Variants in MAST2 observed in about 807,000 individuals in gnomAD.
MAST2 encodes microtubule associated serine/threonine kinase 2.
MAST2 carries 70 observed loss-of-function variants against 147.4 expected under a neutral mutation model. That is an observed-to-expected ratio of 0.47 (90% CI 0.39 to 0.58). The LOEUF is 0.58. Ranked by LOEUF, MAST2 falls within the 20% of genes least tolerant of loss-of-function variation. MAST2 has a pLI of 0.00. For synonymous variants in MAST2, 869 were observed against 896.8 expected (o/e 0.97, Z 0.55); for missense variants, 2,080 against 2,302.3 (o/e 0.90, Z 1.98).
chr1:45,984,337 T>C (rs1265727622), intron 5 of MAST2, among the ~76,000 whole-genome samples: 1 of 151,824 alleles, frequency 6.6e-6, no homozygotes, highest in Admixed American at 6.5e-5. Context: ...AGAGTCTCAT[T>C]CTTTCAACTA....
chr1:46,016,199 A>G (rs932335392), intron 10 of MAST2, among the ~76,000 whole-genome samples: 2 of 102,390 alleles, frequency 2.0e-5, no homozygotes, highest in African/African-American at 6.4e-5. Flanking sequence ...GCTATCTATG[A>G]CAAACCCACA....
chr1:46,035,728 G>A lies in MAST2; in HGVS notation c.5059G>A (p.Glu1687Lys). Reference sequence around the variant, plus strand: ...TGGGCTAGCCAACCTCCAGGATTTGGAAAACACAACTCCAGCCCAGCCTAA... The same window carrying A: ...TGGGCTAGCCAACCTCCAGGATTTGAAAAACACAACTCCAGCCCAGCCTAA... Reference protein sequence around the residue: ...AGGLANLQDLENTTPAQPKNL... With the variant: ...AGGLANLQDLKNTTPAQPKNL... Residue 1687 changes from glutamate (E) to lysine (K), a missense_variant, in exon 29 of 29, where the codon GAA (glutamate) becomes AAA (lysine). Transcript: ENST00000361297. This position sits in a 1 kb window ranked among gnomAD's most constrained non-coding sequence, Gnocchi z 5.5. 6.2e-7 allele frequency: 1 copy of A among 1,614,006 alleles called. No individual in the cohort carries two copies. The highest frequency in any genetic ancestry group is 1.7e-4 in the Middle Eastern group (1 of 6,060).
intron 10 of MAST2, among the ~76,000 whole-genome samples, chr1:46,012,724 G>A (rs1194727014): frequency 6.6e-6 from 1 of 152,072 alleles, no homozygotes; most frequent in East Asian, 2.0e-4. Flanking sequence ...CTTGGGCACA[G>A]TGGCTCATGC....
chr1:45,867,725 A>G (rs1320268271), intron 3 of MAST2, among the ~76,000 whole-genome samples: 1 of 152,214 alleles, frequency 6.6e-6, no homozygotes, highest in Admixed American at 6.5e-5. Flanking sequence ...CGTGAAGCTC[A>G]GTAGCTTCCT....
In MAST2 at chr1:46,035,625, G is replaced by T; in HGVS notation, c.4956G>T (p.Lys1652Asn). Reference protein sequence around the residue: ...SCSPPSSTSGKLSMWSWKSLI... With the variant: ...SCSPPSSTSGNLSMWSWKSLI... ...CTCCTCCCAGCTCCACCTCTGGGAA[G>T]CTGAGCATGTGGTCCTGGAAATCCC... is the stretch of plus-strand genomic sequence containing the variant. The change falls in exon 29 of 29, where the codon AAG (lysine) becomes AAT (asparagine). Residue 1652 changes from lysine to asparagine, a missense_variant. Transcript: ENST00000361297. This position sits in a 1 kb window ranked among gnomAD's most constrained non-coding sequence, Gnocchi z 5.5. 2 of 1,613,934 alleles carry T rather than the reference G, an allele frequency of 1.2e-6. No homozygotes were observed. The highest frequency in any genetic ancestry group is 1.7e-6 in the Non-Finnish European group (2 of 1,180,022).
chr1:45,870,762 A>G (rs1174211541), intron 3 of MAST2, among the ~76,000 whole-genome samples: 1 of 147,360 alleles, frequency 6.8e-6, no homozygotes, highest in Non-Finnish European at 1.5e-5. Flanking sequence ...GTACAAATTA[A>G]AAAAAAAAAA....
chr1:45,964,901 A>G (rs966679993), intron 5 of MAST2, among the ~76,000 whole-genome samples: 2 of 151,982 alleles, frequency 1.3e-5, no homozygotes, highest in Admixed American at 1.3e-4. Flanking sequence ...TATGTCCCAG[A>G]GATTCTGGTA....
chr1:45,987,765 T>TG (rs1557430680), intron 5 of MAST2, among the ~76,000 whole-genome samples: 1 of 134,914 alleles, frequency 7.4e-6, no homozygotes, highest in East Asian at 2.1e-4. Context: ...ATTTCTTGTT[T>TG]TTTTTTTTTT....
chr1:45,815,055 CCTT>C (rs1410809316), intron 1 of MAST2, among the ~76,000 whole-genome samples: 1 of 152,130 alleles, frequency 6.6e-6, no homozygotes, highest in Non-Finnish European at 1.5e-5. Flanking sequence ...AGTGTAGGTT[CCTT>C]AAGAGTGAAC....
Position 46,035,538 on chromosome 1 carries a change from C to T in MAST2, c.4869C>T (p.His1623=). Residue 1623 remains histidine (H), a synonymous_variant, in exon 29 of 29, where the codon CAC becomes CAT. Coordinates refer to ENST00000361297, the MANE Select transcript of MAST2 (RefSeq NM_015112.3). The surrounding 1 kb of genome is among the most constrained non-coding windows in gnomAD (Gnocchi z 5.5). Reference sequence around the variant, plus strand: ...GTTGCTGGAAGGCCCAGCACCTCCACACCCAGGCACTAACAGCACTTTCTC... The same window carrying T: ...GTTGCTGGAAGGCCCAGCACCTCCATACCCAGGCACTAACAGCACTTTCTC... ...PEGCWKAQHL[H]TQALTALSPS... is the part of the protein sequence containing the mutation. 1 of 1,613,472 alleles carries T rather than the reference C, an allele frequency of 6.2e-7. No homozygotes were observed. Among genetic ancestry groups the T allele is most frequent in the Non-Finnish European group, 8.5e-7 (1 of 1,180,016 alleles).
At chr1:45,905,755 G>A (rs945894092) in intron 4 of MAST2, among the ~76,000 whole-genome samples, 1 of 148,040 alleles carries the variant, frequency 6.8e-6, no homozygotes, top group Non-Finnish European at 1.5e-5. Context: ...CAGCCTGGGA[G>A]ACAGAGCAAG....
chr1:45,942,030 A>G (rs994662846), intron 4 of MAST2, among the ~76,000 whole-genome samples: 4 of 152,214 alleles, frequency 2.6e-5, no homozygotes, highest in Admixed American at 6.5e-5. Flanking sequence ...TGATGTCTCA[A>G]TATTCCTGTG....
At chr1:45,922,468 C>T (rs936515809) in intron 4 of MAST2, among the ~76,000 whole-genome samples, 5 of 152,192 alleles carry the variant, frequency 3.3e-5, no homozygotes, top group Non-Finnish European at 7.3e-5. Flanking sequence ...CTTGTCAGTG[C>T]CCAAAGCCTG....
chr1:45,818,290 A>G (rs916851213), intron 1 of MAST2, among the ~76,000 whole-genome samples: 5 of 152,238 alleles, frequency 3.3e-5, no homozygotes, highest in African/African-American at 9.6e-5. Flanking sequence ...TCAGACTGAC[A>G]GCAGACCACC....
intron 11 of MAST2, among the ~76,000 whole-genome samples, chr1:46,021,632 C>A (rs1338844266): frequency 6.6e-6 from 1 of 152,208 alleles, no homozygotes; most frequent in African/African-American, 2.4e-5. Flanking sequence ...CTGAATACAC[C>A]AGACAGTGCC....
chr1:45,987,150 A>G (rs1644657381), intron 5 of MAST2, among the ~76,000 whole-genome samples: 1 of 152,222 alleles, frequency 6.6e-6, no homozygotes, highest in African/African-American at 2.4e-5. Context: ...TAATTAACAT[A>G]AAGTTGTTTA....
intron 4 of MAST2, among the ~76,000 whole-genome samples, chr1:45,883,668 T>C (rs1289399446): frequency 6.6e-6 from 1 of 152,096 alleles, no homozygotes; most frequent in Admixed American, 6.5e-5. Context: ...TTAGAATTCT[T>C]AATGGGTTAA....
At chr1:45,985,260 T>A (rs908345454) in intron 5 of MAST2, among the ~76,000 whole-genome samples, 1 of 150,844 alleles carries the variant, frequency 6.6e-6, no homozygotes, top group South Asian at 2.1e-4. Flanking sequence ...TGTGTGTGTG[T>A]GTTTTTTTTT....
intron 4 of MAST2, among the ~76,000 whole-genome samples, chr1:45,892,338 C>T (rs4539075): frequency 0.34 from 51,717 of 151,958 alleles, 9,204 homozygotes; most frequent in African/African-American, 0.44. Flanking sequence ...AAAGTCTACT[C>T]AATTGTTAAG....
Sources: gnomAD v4.1 joint callset for allele counts (sites outside exome capture counted in the v4.1 genomes callset) on GRCh38, gnomAD v4.1.1 for gene constraint, Gnocchi (gnomAD v3.1) non-coding constraint, MANE v1.5 for transcripts, NCBI Gene and HGNC (gene_info 2026-07-23, HGNC 2026-07-21) for gene names.